MLXIPL: variants seen among roughly 807,000 people sequenced by gnomAD.
The protein encoded by MLXIPL is MLX interacting protein like.
Under a neutral mutation model 81.5 loss-of-function variants are expected in MLXIPL, and 49 were observed. The observed-to-expected ratio is 0.60, with a 90% CI of 0.48 to 0.76. The LOEUF is 0.76. MLXIPL is among the 30% of genes least tolerant of loss of function. The pLI, the probability that MLXIPL is intolerant of heterozygous loss-of-function variation, is 0.00. For missense variants in MLXIPL, 1,053 were observed against 1,167.0 expected, an observed-to-expected ratio of 0.90 and a Z score of 1.42; for synonymous variants, 466 against 485.5, an observed-to-expected ratio of 0.96 and a Z score of 0.53.
At chr7:73,624,624 G>T, upstream of MLXIPL, 9 of 1,377,388 alleles carry the variant, frequency 6.5e-6, no homozygotes, top group Non-Finnish European at 8.4e-6. Context: ...CCTGGGACGG[G>T]GCGGGGCTTG....
Position 73,607,404 on chromosome 7 carries a change from C to T in MLXIPL, c.500G>A (p.Gly167Glu), listed in dbSNP as rs1554598607. The change falls in exon 4 of 17, where the codon GGG becomes GAG. Residue 167 changes from glycine to glutamate, a missense_variant. Coordinates refer to ENST00000313375, the MANE Select transcript of MLXIPL (RefSeq NM_032951.3). ...CTCGATGCGCCGCTTCCAGTAGTTC[C>T]CCTCCAGGACCACGGCCTGGGGTAG... ...HRKPEAVVLE[G>E]NYWKRRIEVV... 1 of 1,558,690 alleles carries T rather than the reference C, an allele frequency of 6.4e-7. No individual in the cohort carries two copies. The highest frequency in any genetic ancestry group is 8.7e-7 in the Non-Finnish European group (1 of 1,150,838).
chr7:73,618,014 G>T (rs564714552), intron 1 of MLXIPL, among the ~76,000 whole-genome samples: 1 of 152,238 alleles, frequency 6.6e-6, no homozygotes, highest in Non-Finnish European at 1.5e-5. Context: ...CACAAGCCAG[G>T]GTTGTGTACC....
At chr7:73,599,435 C>T (rs1218086368) in intron 8 of MLXIPL, 91 bp downstream of exon 8, 15 of 1,500,766 alleles carry the variant, frequency 1.0e-5, no homozygotes, top group Non-Finnish European at 1.4e-5. Context: ...ACTGGGCACT[C>T]AGGGAGTGTC....
At chr7:73,636,976 T>C in the MLXIPL span, among the ~76,000 whole-genome samples, 43,068 of 150,098 alleles carry the variant, frequency 0.29, 6,438 homozygotes, top group African/African-American at 0.36. Context: ...AGGAGAATGA[T>C]GTTAACCCGG....
the MLXIPL span, among the ~76,000 whole-genome samples, chr7:73,636,515 G>A: frequency 2.1e-4 from 32 of 152,106 alleles, no homozygotes; most frequent in Non-Finnish European, 4.4e-4. Context: ...GGGAACCAGA[G>A]TAATGAGTCA....
At chr7:73,637,851 T>C in the MLXIPL span, among the ~76,000 whole-genome samples, 1 of 152,200 alleles carries the variant, frequency 6.6e-6, no homozygotes, top group African/African-American at 2.4e-5. Flanking sequence ...GTCCGGGGCC[T>C]GCCCTTTATG....
intron 2 of MLXIPL, among the ~76,000 whole-genome samples, chr7:73,614,396 C>T (rs951863356): frequency 3.9e-5 from 6 of 152,246 alleles, no homozygotes; most frequent in Non-Finnish European, 8.8e-5. Flanking sequence ...ACCTATCTCC[C>T]AGGGTTGCTA....
In MLXIPL at chr7:73,606,984, G is replaced by A. The variant is rs1554598372; in HGVS notation, c.608C>T (p.Ala203Val). Residue 203 changes from alanine (A) to valine (V), a missense_variant, in exon 5 of 17, where the codon GCC becomes GTC. Physicochemically the swap from Ala to Val is moderately conservative, Grantham distance 64 (BLOSUM62 0). Coordinates refer to ENST00000313375, the MANE Select transcript of MLXIPL (RefSeq NM_032951.3). ...RKPSREDDLLAPKQAEGRWPP... is the reference protein window; with the variant it reads ...RKPSREDDLLVPKQAEGRWPP... ...TTACAGAGCACCCACCTGCTTAGGG[G>A]CCAGGAGGTCATCTTCCCTGCTGGG... 1 of 1,613,792 alleles carries A rather than the reference G, an allele frequency of 6.2e-7. No individual in the cohort carries two copies. The highest frequency in any genetic ancestry group is 1.1e-5 in the South Asian group (1 of 90,980).
At chr7:73,602,959 G>T (rs1795000388) in intron 7 of MLXIPL, among the ~76,000 whole-genome samples, 1 of 152,186 alleles carries the variant, frequency 6.6e-6, no homozygotes, top group South Asian at 2.1e-4. Context: ...TCCCCACCCT[G>T]CCTTGAGAGA....
chr7:73,607,759 G>A lies in MLXIPL; in HGVS notation c.401-87C>T, dbSNP rs565710537. On this transcript the variant is annotated intron_variant, in intron 2 of 16. Coordinates refer to ENST00000313375, the MANE Select transcript of MLXIPL (RefSeq NM_032951.3). ...GACTGGGACTCAAGTGACACCCTGC[G>A]AAATCCTGCTTGGCCTTTGACGTTC... is the stretch of plus-strand genomic sequence containing the variant. 1,714 of 1,182,488 alleles carry A rather than the reference G, an allele frequency of 1.4e-3. 9 individuals carry two copies. The highest frequency in any genetic ancestry group is 9.1e-3 in the Middle Eastern group (47 of 5,176). The allele number at this position is 1,182,488 out of a possible 1,614,324, so 73.2% of individuals were successfully genotyped here. A position where few individuals can be genotyped will look rare whatever the true frequency, so the allele number is the denominator to read the frequency against.
intron 1 of MLXIPL, among the ~76,000 whole-genome samples, chr7:73,616,848 CA>C (rs35467108): frequency 0.023 from 1,202 of 51,638 alleles, 2 homozygotes; most frequent in African/African-American, 0.026. Context: ...AACTCCGTCT[CA>C]AAAAAAAAAA....
At chr7:73,598,503 A>G (rs1242481173) in intron 8 of MLXIPL, among the ~76,000 whole-genome samples, 4 of 152,068 alleles carry the variant, frequency 2.6e-5, no homozygotes, top group Non-Finnish European at 4.4e-5. Flanking sequence ...TCACCTACCC[A>G]TATATCCACC....
At chr7:73,637,660 G>A in the MLXIPL span, among the ~76,000 whole-genome samples, 1 of 151,856 alleles carries the variant, frequency 6.6e-6, no homozygotes, top group Non-Finnish European at 1.5e-5. Context: ...CTGGCCCAAG[G>A]TTCTTACTGA....
intron 2 of MLXIPL, among the ~76,000 whole-genome samples, chr7:73,615,430 C>A (rs186113618): frequency 6.6e-6 from 1 of 152,314 alleles, no homozygotes; most frequent in African/African-American, 2.4e-5. Context: ...AGGCACCCAA[C>A]TATGCTAATG....
chr7:73,639,604 C>T, the MLXIPL span, among the ~76,000 whole-genome samples: 1 of 151,260 alleles, frequency 6.6e-6, no homozygotes, highest in African/African-American at 2.4e-5. Flanking sequence ...CATAATGAGA[C>T]CCTATCTTTA....
upstream of MLXIPL, among the ~76,000 whole-genome samples, chr7:73,626,217 T>A (rs1325612063): frequency 6.6e-6 from 1 of 152,200 alleles, no homozygotes; most frequent in Non-Finnish European, 1.5e-5. Flanking sequence ...CTGGCCAGGC[T>A]GGTCTCAAAC....
Position 73,597,576 on chromosome 7 carries a change from C to A in MLXIPL, c.1209G>T (p.Lys403Asn). ...PPLLHYPPPA[K>N]VPGLEPCPPP... is the part of the protein sequence containing the mutation. ...GGGGGCAGGGCTCCAGGCCTGGCAC[C>A]TTGGCAGGGGGAGGGTAATGCAGCA... is the stretch of plus-strand genomic sequence containing the variant. The change falls in exon 9 of 17, where the codon AAG (lysine) becomes AAT (asparagine). Residue 403 changes from lysine (K) to asparagine (N), a missense_variant. Physicochemically the swap from Lys to Asn is moderately conservative, Grantham distance 94 (BLOSUM62 0). Coordinates refer to ENST00000313375, the MANE Select transcript of MLXIPL (RefSeq NM_032951.3). 9.9e-7 allele frequency: 1 copy of A among 1,006,322 alleles called. No individual in the cohort carries two copies. The highest frequency in any genetic ancestry group is 3.6e-5 in the South Asian group (1 of 27,900). 62.3% of individuals were successfully genotyped at this position (1,006,322 alleles called of 1,614,324 possible). A position where few individuals can be genotyped will look rare whatever the true frequency, so the allele number is the denominator to read the frequency against.
Position 73,593,893 on chromosome 7 carries a change from G to A in MLXIPL, c.2531C>T (p.Thr844Ile). Residue 844 changes from threonine to isoleucine, a missense_variant, in exon 17 of 17, where the codon ACA becomes ATA. By Grantham distance (89) the Thr-to-Ile change is moderately conservative. Transcript: ENST00000313375. ...RIPEQATRAV[T>I]EGTLGKPL ...TAAAGGTTTGCCAAGGGTGCCCTCT[G>A]TGACTGCCCGTGTGGCTTGCTCAGG... The A allele has an allele frequency of 6.2e-7, 1 of 1,614,126 alleles. No individual in the cohort carries two copies.
At chr7:73,604,088 T>A (rs1046117883) in intron 7 of MLXIPL, among the ~76,000 whole-genome samples, 5 of 151,788 alleles carry the variant, frequency 3.3e-5, no homozygotes, top group Non-Finnish European at 1.5e-5. Context: ...TGGTGGCACA[T>A]GCCTGTAATC....
Sources: gnomAD v4.1 joint callset for allele counts (sites outside exome capture counted in the v4.1 genomes callset) on GRCh38, gnomAD v4.1.1 for gene constraint, MANE v1.5 for transcripts, NCBI Gene and HGNC (gene_info 2026-07-23, HGNC 2026-07-21) for gene names.